PPARGC1A: variants seen among roughly 807,000 people sequenced by gnomAD.
PPARGC1A encodes the protein peroxisome proliferator-activated receptor gamma coactivator 1-alpha.
PPARGC1A carries 25 observed loss-of-function variants against 88.7 expected under a neutral mutation model. The ratio of observed to expected loss-of-function variants is 0.28; its 90% CI spans 0.21 to 0.39. The LOEUF (loss-of-function observed/expected upper bound fraction) is 0.39. PPARGC1A is among the 10% of genes least tolerant of loss of function. PPARGC1A has a pLI of 1.00. For missense variants in PPARGC1A, 880 were observed against 968.7 expected, an observed-to-expected ratio of 0.91 and a Z score of 1.22; for synonymous variants, 363 against 355.6, an observed-to-expected ratio of 1.02 and a Z score of -0.24.
the PPARGC1A span, among the ~76,000 whole-genome samples, chr4:24,034,825 G>T: frequency 6.6e-6 from 1 of 152,188 alleles, no homozygotes; most frequent in African/African-American, 2.4e-5. Context: ...ATCCAAGAGT[G>T]ATGCATACAG....
the PPARGC1A span, among the ~76,000 whole-genome samples, chr4:24,273,322 C>T: frequency 2.6e-5 from 4 of 152,122 alleles, no homozygotes; most frequent in African/African-American, 7.2e-5. Flanking sequence ...TGTTATAAGG[C>T]GAGGCATATG....
chr4:24,378,966 C>G, the PPARGC1A span, among the ~76,000 whole-genome samples: 1 of 152,112 alleles, frequency 6.6e-6, no homozygotes, highest in Non-Finnish European at 1.5e-5. Flanking sequence ...CCTTACTATT[C>G]ATAAAAATCT....
intron 5 of PPARGC1A, among the ~76,000 whole-genome samples, chr4:23,824,805 T>C (rs572754251): frequency 6.6e-6 from 1 of 152,224 alleles, no homozygotes; most frequent in East Asian, 1.9e-4. Flanking sequence ...GAAATAATGT[T>C]TTCTATTTTA....
At chr4:24,381,382 A>T in the PPARGC1A span, among the ~76,000 whole-genome samples, 3 of 152,244 alleles carry the variant, frequency 2.0e-5, no homozygotes, top group Non-Finnish European at 4.4e-5. Flanking sequence ...CAAAATTAGA[A>T]GTAAACACAG....
At chr4:24,065,200 G>A in the PPARGC1A span, among the ~76,000 whole-genome samples, 1 of 152,118 alleles carries the variant, frequency 6.6e-6, no homozygotes, top group East Asian at 1.9e-4. Context: ...GTCCCTTCTA[G>A]GTCCCTGCAT....
the PPARGC1A span, among the ~76,000 whole-genome samples, chr4:24,097,632 G>A: frequency 6.6e-6 from 1 of 152,026 alleles, no homozygotes; most frequent in Non-Finnish European, 1.5e-5. Context: ...TACTGGAGGT[G>A]GCTATATATT....
At chr4:24,464,951 T>C in the PPARGC1A span, among the ~76,000 whole-genome samples, 1 of 152,176 alleles carries the variant, frequency 6.6e-6, no homozygotes, top group East Asian at 1.9e-4. Context: ...AACAAATGCA[T>C]AAATGCACAT....
At chr4:23,837,242 A>G (rs868107264) in intron 2 of PPARGC1A, among the ~76,000 whole-genome samples, 1 of 152,140 alleles carries the variant, frequency 6.6e-6, no homozygotes, top group East Asian at 1.9e-4. Context: ...AATCAGTTTC[A>G]GTATCTTAGG....
chr4:24,257,911 T>C, the PPARGC1A span, among the ~76,000 whole-genome samples: 1 of 152,316 alleles, frequency 6.6e-6, no homozygotes, highest in South Asian at 2.1e-4. Context: ...CCATGGTTCA[T>C]ATAAACATTT....
At chr4:24,357,003 G>C in the PPARGC1A span, among the ~76,000 whole-genome samples, 8 of 152,124 alleles carry the variant, frequency 5.3e-5, no homozygotes, top group Non-Finnish European at 1.2e-4. Flanking sequence ...CCCATCCTGG[G>C]AACAGCCCTC....
At chr4:24,181,860 G>A in the PPARGC1A span, among the ~76,000 whole-genome samples, 2 of 152,066 alleles carry the variant, frequency 1.3e-5, no homozygotes, top group East Asian at 1.9e-4. Flanking sequence ...TGAAACAGCA[G>A]CGCAAAAGCC....
At chr4:23,945,213 A>T in the PPARGC1A span, among the ~76,000 whole-genome samples, 2 of 152,154 alleles carry the variant, frequency 1.3e-5, no homozygotes, top group Admixed American at 1.3e-4. Flanking sequence ...AATATTTGCC[A>T]TTTTAAGATT....
chr4:24,456,016 T>G, the PPARGC1A span, among the ~76,000 whole-genome samples: 65 of 152,304 alleles, frequency 4.3e-4, no homozygotes, highest in African/African-American at 1.2e-3. Flanking sequence ...GAGCTACTGG[T>G]GGCAGCCAAT....
chr4:23,985,944 T>C, the PPARGC1A span, among the ~76,000 whole-genome samples: 250 of 152,152 alleles, frequency 1.6e-3, no homozygotes, highest in African/African-American at 5.5e-3. Flanking sequence ...GCCTTAGTTC[T>C]GAGACATAAC....
At chr4:24,256,650 G>A in the PPARGC1A span, among the ~76,000 whole-genome samples, 1 of 152,186 alleles carries the variant, frequency 6.6e-6, no homozygotes, top group Non-Finnish European at 1.5e-5. Context: ...GGCTACTGCT[G>A]TGTCTACAGG....
the PPARGC1A span, among the ~76,000 whole-genome samples, chr4:24,252,827 C>T: frequency 1.3e-5 from 2 of 152,202 alleles, no homozygotes; most frequent in Non-Finnish European, 2.9e-5. Context: ...TTTTTAGAAA[C>T]ATTTCAGATT....
chr4:24,327,536 T>C, the PPARGC1A span, among the ~76,000 whole-genome samples: 1 of 152,186 alleles, frequency 6.6e-6, no homozygotes, highest in Non-Finnish European at 1.5e-5. Flanking sequence ...CCTTCTCTTA[T>C]TCCATTTAGT....
At chr4:24,215,056 C>G in the PPARGC1A span, among the ~76,000 whole-genome samples, 1 of 152,194 alleles carries the variant, frequency 6.6e-6, no homozygotes, top group African/African-American at 2.4e-5. Flanking sequence ...GAACAGAGCC[C>G]TAAGTGCACC....
At chr4:23,806,851 T>C (rs951483592) in intron 10 of PPARGC1A, among the ~76,000 whole-genome samples, 2 of 152,166 alleles carry the variant, frequency 1.3e-5, no homozygotes, top group African/African-American at 4.8e-5. Context: ...TAAAAGGGGT[T>C]TGACAAAGAA....
Sources: allele counts gnomAD v4.1 joint callset (sites outside exome capture counted in the v4.1 genomes callset), GRCh38; gene constraint gnomAD v4.1.1; transcripts MANE v1.5; gene names NCBI Gene and HGNC (gene_info 2026-07-23, HGNC 2026-07-21).